Variants in NKAIN3 observed in about 807,000 individuals in gnomAD.
NKAIN3 encodes sodium/potassium transporting ATPase interacting 3.
Under a neutral mutation model 30.2 loss-of-function variants are expected in NKAIN3, and 25 were observed. The observed-to-expected ratio is 0.83, with a 90% CI of 0.60 to 1.16. The LOEUF is 1.16. NKAIN3 is among the 50% of genes most tolerant of loss of function. NKAIN3 has a pLI of 0.00. For missense variants in NKAIN3, 225 were observed against 254.1 expected, an observed-to-expected ratio of 0.89 and a Z score of 0.78; for synonymous variants, 91 against 89.6, an observed-to-expected ratio of 1.02 and a Z score of -0.09.
intron 1 of NKAIN3, among the ~76,000 whole-genome samples, chr8:62,268,819 G>A (rs559584087): frequency 1.3e-5 from 2 of 152,086 alleles, no homozygotes; most frequent in Non-Finnish European, 2.9e-5. Context: ...GGCTATTTTT[G>A]TATGGTTCTG....
chr8:62,446,630 AC>A (rs1249263522), intron 1 of NKAIN3, among the ~76,000 whole-genome samples: 1 of 152,008 alleles, frequency 6.6e-6, no homozygotes, highest in Non-Finnish European at 1.5e-5. Flanking sequence ...TTCCCCCAGA[AC>A]CCTACCAACC....
chr8:62,339,850 A>T (rs1341846589), intron 1 of NKAIN3, among the ~76,000 whole-genome samples: 1 of 152,070 alleles, frequency 6.6e-6, no homozygotes, highest in East Asian at 1.9e-4. Flanking sequence ...AAAAAATCTA[A>T]CATTTGCTGA....
Position 62,859,508 on chromosome 8 carries a change from T to TA in NKAIN3, c.472-58932dup, listed in dbSNP as rs531859546. On this transcript the variant is annotated intron_variant, in intron 4 of 6. Transcript: ENST00000623646. ...ACTTTTTCTATACTCTTACTTCAAC[T>TA]AAAAAAAAAAAAACTTCATGGAAGT... 1.6e-3 allele frequency among the ~76,000 whole-genome samples: 97 copies of TA among 60,390 alleles called. 4 individuals are homozygous for TA. Among genetic ancestry groups the TA allele is most frequent in the Admixed American group, 3.1e-3 (15 of 4,786 alleles). The allele number at this position is 60,390 out of a possible 152,430, so 39.6% of individuals were successfully genotyped here. A position where few individuals can be genotyped will look rare whatever the true frequency, so the allele number is the denominator to read the frequency against.
intron 1 of NKAIN3, among the ~76,000 whole-genome samples, chr8:62,390,163 ATTAG>A (rs1295293640): frequency 6.6e-6 from 1 of 152,052 alleles, no homozygotes. Flanking sequence ...TCTAGTACCC[ATTAG>A]TTATTCTTCC....
chr8:62,422,811 T>C (rs1804685301), intron 1 of NKAIN3, among the ~76,000 whole-genome samples: 1 of 152,168 alleles, frequency 6.6e-6, no homozygotes. Flanking sequence ...TGTTGGTTAC[T>C]TACTATGTTT....
At chr8:62,807,234 A>T (rs979771406) in intron 4 of NKAIN3, among the ~76,000 whole-genome samples, 27 of 152,174 alleles carry the variant, frequency 1.8e-4, no homozygotes, top group Non-Finnish European at 3.5e-4. Flanking sequence ...AACATTTGCC[A>T]TTTTTGTTTC....
rs951729776 is a variant in NKAIN3 at position 62,524,660 on chromosome 8, A to G, written c.55-54879A>G. ...TTATTTGAAATCTCTAGGCACACCC[A>G]TCCTTCTGAGGTAGCTACTTACAAC... On this transcript the variant is annotated intron_variant, in intron 1 of 6. Transcript: ENST00000623646. Among the ~76,000 whole-genome samples, 20 of 152,140 alleles carry G rather than the reference A, an allele frequency of 1.3e-4. 1 individual carries two copies.
At chr8:62,432,192 T>C (rs1026094288) in intron 1 of NKAIN3, among the ~76,000 whole-genome samples, 1 of 152,016 alleles carries the variant, frequency 6.6e-6, no homozygotes, top group South Asian at 2.1e-4. Context: ...TAAAGGAAAA[T>C]AGAATCATTA....
chr8:62,596,322 G>T (rs908228669), intron 3 of NKAIN3, among the ~76,000 whole-genome samples: 1 of 151,960 alleles, frequency 6.6e-6, no homozygotes, highest in African/African-American at 2.4e-5. Context: ...CTAATGGAGG[G>T]TCCTGCCTTG....
chr8:62,658,078 A>G (rs937157141), intron 3 of NKAIN3, among the ~76,000 whole-genome samples: 1 of 152,216 alleles, frequency 6.6e-6, no homozygotes, highest in African/African-American at 2.4e-5. Flanking sequence ...CAGCCGAGGC[A>G]TAGATAATCC....
At chr8:62,483,388 C>A in intron 1 of NKAIN3, 1 of 212,622 alleles carries the variant, frequency 4.7e-6, no homozygotes. Context: ...TCGCTTTCCC[C>A]ATGTTTCCTT....
intron 3 of NKAIN3, among the ~76,000 whole-genome samples, chr8:62,657,587 A>G (rs955557781): frequency 1.3e-5 from 2 of 152,206 alleles, no homozygotes; most frequent in Non-Finnish European, 2.9e-5. Flanking sequence ...TGCATTATCA[A>G]TCTCTTAGTG....
chr8:62,872,326 T>A (rs1586295386), intron 4 of NKAIN3, among the ~76,000 whole-genome samples: 1 of 152,238 alleles, frequency 6.6e-6, no homozygotes, highest in African/African-American at 2.4e-5. Context: ...TGTGGTGACA[T>A]GTAGTGCAAG....
chr8:62,926,963 C>T (rs1167310057), intron 5 of NKAIN3, among the ~76,000 whole-genome samples: 1 of 152,158 alleles, frequency 6.6e-6, no homozygotes, highest in African/African-American at 2.4e-5. Flanking sequence ...CTCTGCCCAG[C>T]TTCTTCCTCC....
At chr8:62,858,400 T>A (rs967094158) in intron 4 of NKAIN3, among the ~76,000 whole-genome samples, 4 of 152,076 alleles carry the variant, frequency 2.6e-5, no homozygotes, top group South Asian at 2.1e-4. Context: ...GTGTTGGGGA[T>A]CTCTTCAGCC....
intron 1 of NKAIN3, among the ~76,000 whole-genome samples, chr8:62,427,718 C>T (rs980827400): frequency 6.6e-6 from 1 of 151,814 alleles, no homozygotes; most frequent in East Asian, 1.9e-4. Context: ...TTTATGCATA[C>T]ATAGAAGTTG....
chr8:62,625,876 T>C (rs977798388), intron 3 of NKAIN3, among the ~76,000 whole-genome samples: 1 of 152,182 alleles, frequency 6.6e-6, no homozygotes, highest in East Asian at 1.9e-4. Flanking sequence ...AGACAAATAA[T>C]TATTGAACAC....
chr8:62,395,186 C>T (rs763101861), intron 1 of NKAIN3, among the ~76,000 whole-genome samples: 2 of 150,980 alleles, frequency 1.3e-5, no homozygotes, highest in Admixed American at 6.6e-5. Flanking sequence ...GATGGTGCAG[C>T]GGACGGGCAG....
Position 62,307,435 on chromosome 8 carries a change from T to A in NKAIN3, c.54+58308T>A, listed in dbSNP as rs1814284129. ...CTGCCCTTTTATATATTTAATTTTC[T>A]TCTTTCCTTCTTTCCACTTGTCTTT... On this transcript the variant is annotated intron_variant, in intron 1 of 6. Coordinates refer to ENST00000623646, the MANE Select transcript of NKAIN3 (RefSeq NM_001304533.3). Among the ~76,000 whole-genome samples the A allele has an allele frequency of 2.7e-5, 4 of 150,142 alleles. 1 individual carries two copies. The highest frequency in any genetic ancestry group is 2.6e-4 in the Admixed American group (4 of 15,156).
Sources: allele counts gnomAD v4.1 joint callset (sites outside exome capture counted in the v4.1 genomes callset), GRCh38; gene constraint gnomAD v4.1.1; transcripts MANE v1.5; gene names NCBI Gene and HGNC (gene_info 2026-07-23, HGNC 2026-07-21).